The following SIPA1L1 variants were observed in gnomAD, a reference collection of about 807,000 sequenced individuals.
SIPA1L1 encodes the protein signal induced proliferation associated 1 like 1.
SIPA1L1 carries 26 observed loss-of-function variants against 162.7 expected under a neutral mutation model. That is an observed-to-expected ratio of 0.16 (90% CI 0.12 to 0.22). SIPA1L1 has a LOEUF of 0.22. Among genes scored for constraint, SIPA1L1 ranks in the 10% least tolerant of loss-of-function variants. The pLI is 1.00. For synonymous variants in SIPA1L1, 829 were observed against 837.4 expected (o/e 0.99, Z 0.17); for missense variants, 1,874 against 2,241.0 (o/e 0.84, Z 3.31).
intron 2 of SIPA1L1, among the ~76,000 whole-genome samples, chr14:71,491,969 A>G (rs2049320139): frequency 6.6e-6 from 1 of 152,126 alleles, no homozygotes; most frequent in African/African-American, 2.4e-5. Context: ...TGTTTCTGCT[A>G]ATCCAAGTCT....
intron 5 of SIPA1L1, among the ~76,000 whole-genome samples, chr14:71,610,000 C>T (rs929640025): frequency 1.4e-4 from 21 of 151,772 alleles, no homozygotes; most frequent in African/African-American, 4.4e-4. Context: ...TAGTAATGGA[C>T]GTGCTTCTTT....
Position 71,588,289 on chromosome 14 carries a change from G to A in SIPA1L1, c.417G>A (p.Leu139=), listed in dbSNP as rs200815580. 3 of 1,613,982 alleles carry A rather than the reference G, an allele frequency of 1.9e-6. No individual in the cohort carries two copies. Among genetic ancestry groups the A allele is most frequent in the Admixed American group, 3.3e-5 (2 of 60,014 alleles). The change falls in exon 5 of 24, where the codon CTG becomes CTA. Residue 139 remains leucine (L), a synonymous_variant. Transcript: ENST00000381232. This position sits in a 1 kb window ranked among gnomAD's most constrained non-coding sequence, Gnocchi z 4.3. ...TGCTGAAAAGCATACAGAACACGCTGAAAAACAAGACAAGACCGTCGGAGA... is the reference window on the plus strand; with the variant it reads ...TGCTGAAAAGCATACAGAACACGCTAAAAAACAAGACAAGACCGTCGGAGA... ...SAMLKSIQNT[L]KNKTRPSENM...
intron 4 of SIPA1L1, among the ~76,000 whole-genome samples, chr14:71,537,992 A>C (rs1421321238): frequency 6.6e-6 from 1 of 152,172 alleles, no homozygotes; most frequent in African/African-American, 2.4e-5. Flanking sequence ...TATAATGCAT[A>C]GTCAGTTAAG....
intron 2 of SIPA1L1, among the ~76,000 whole-genome samples, chr14:71,496,071 AG>A (rs1475551028): frequency 1.9e-3 from 212 of 112,004 alleles, no homozygotes; most frequent in Non-Finnish European, 3.3e-3. Context: ...TTAAAAAAAA[AG>A]AAAAAAAAAA....
chr14:71,419,522 G>A (rs1360553799), intron 2 of SIPA1L1, among the ~76,000 whole-genome samples: 1 of 121,278 alleles, frequency 8.2e-6, no homozygotes, highest in Non-Finnish European at 1.6e-5. Flanking sequence ...ACGGAGTCTC[G>A]CTCTGTCGCC....
At chr14:71,474,007 T>G (rs1258655582) in intron 2 of SIPA1L1, among the ~76,000 whole-genome samples, 1 of 152,244 alleles carries the variant, frequency 6.6e-6, no homozygotes, top group Non-Finnish European at 1.5e-5. Context: ...ACTTCCATAG[T>G]GCAAAGGGTC....
At chr14:71,544,884 T>C (rs2055037664) in intron 4 of SIPA1L1, among the ~76,000 whole-genome samples, 1 of 152,214 alleles carries the variant, frequency 6.6e-6, no homozygotes, top group South Asian at 2.1e-4. Context: ...TCTAACTTTA[T>C]ATTTTTTTAA....
At chr14:71,429,499 G>A (rs2140918775) in intron 2 of SIPA1L1, among the ~76,000 whole-genome samples, 1 of 151,912 alleles carries the variant, frequency 6.6e-6, no homozygotes, top group South Asian at 2.1e-4. Context: ...CTAGTCATGG[G>A]GATTGATTTT....
intron 5 of SIPA1L1, among the ~76,000 whole-genome samples, chr14:71,593,564 G>C (rs1248190468): frequency 6.6e-6 from 1 of 152,080 alleles, no homozygotes; most frequent in African/African-American, 2.4e-5. Flanking sequence ...AAATTTATAA[G>C]TGGAAAATAC....
chr14:71,717,553 G>A (rs766300554), intron 17 of SIPA1L1, among the ~76,000 whole-genome samples: 23 of 152,162 alleles, frequency 1.5e-4, no homozygotes, highest in Admixed American at 1.2e-3. Context: ...AACTCTCTGT[G>A]AGTAAAATGA....
intron 5 of SIPA1L1, among the ~76,000 whole-genome samples, chr14:71,616,699 T>TTGTCTTTGTTTCCTTTGTGACAATG (rs1296281964): frequency 1.1e-4 from 16 of 152,150 alleles, no homozygotes; most frequent in Non-Finnish European, 2.9e-5. Context: ...TTCCTTTGTG[T>TTGTCTTTGTTTCCTTTGTGACAATG]TGTAGACACA....
chr14:71,677,215 T>C (rs2045299399), intron 12 of SIPA1L1, among the ~76,000 whole-genome samples: 1 of 152,388 alleles, frequency 6.6e-6, no homozygotes, highest in East Asian at 1.9e-4. Context: ...TGCATTTCTC[T>C]GATGGCCAGT....
intron 2 of SIPA1L1, among the ~76,000 whole-genome samples, chr14:71,424,030 A>G (rs1567005953): frequency 6.6e-6 from 1 of 151,940 alleles, no homozygotes; most frequent in South Asian, 2.1e-4. Context: ...TTTAATTCCT[A>G]GGTATTTTAT....
intron 2 of SIPA1L1, among the ~76,000 whole-genome samples, chr14:71,505,167 A>G (rs1037447566): frequency 6.6e-6 from 1 of 152,122 alleles, no homozygotes; most frequent in Non-Finnish European, 1.5e-5. Flanking sequence ...CCGTTCTTTC[A>G]TTCTTTGCCC....
chr14:71,416,235 A>T (rs2042750587), intron 2 of SIPA1L1: 1 of 152,180 alleles, frequency 6.6e-6, no homozygotes, highest in African/African-American at 2.4e-5. Context: ...TTTTCACAGA[A>T]ATCTAACACA....
At chr14:71,594,449 CCTT>C (rs1199967094) in intron 5 of SIPA1L1, among the ~76,000 whole-genome samples, 1 of 151,990 alleles carries the variant, frequency 6.6e-6, no homozygotes, top group Non-Finnish European at 1.5e-5. Flanking sequence ...TTTAAAAAAT[CCTT>C]CTGCTATGTA....
intron 2 of SIPA1L1, among the ~76,000 whole-genome samples, chr14:71,332,988 G>A (rs2034723378): frequency 6.6e-6 from 1 of 152,184 alleles, no homozygotes; most frequent in Non-Finnish European, 1.5e-5. Context: ...AAATATTTTA[G>A]TGAGAAAATT....
chr14:71,445,939 C>A (rs753504153), intron 2 of SIPA1L1, among the ~76,000 whole-genome samples: 1 of 152,284 alleles, frequency 6.6e-6, no homozygotes, highest in East Asian at 1.9e-4. Flanking sequence ...GCCATGACCT[C>A]CTTGGGCTGG....
intron 2 of SIPA1L1, among the ~76,000 whole-genome samples, chr14:71,402,967 G>C (rs61991250): frequency 0.16 from 24,871 of 152,030 alleles, 2,644 homozygotes; most frequent in Middle Eastern, 0.34. Flanking sequence ...TCCACATTTG[G>C]AATAGGTAGC....
Sources: allele counts gnomAD v4.1 joint callset (sites outside exome capture counted in the v4.1 genomes callset), GRCh38; gene constraint gnomAD v4.1.1; non-coding constraint Gnocchi (gnomAD v3.1); transcripts MANE v1.5; gene names NCBI Gene and HGNC (gene_info 2026-07-23, HGNC 2026-07-21).